LCP1: variants seen among roughly 807,000 people sequenced by gnomAD.
LCP1 encodes plastin-2.
A neutral mutation model predicts 72.0 loss-of-function variants in LCP1; 23 were observed. That is an observed-to-expected ratio of 0.32 (90% confidence interval 0.23 to 0.45). The LOEUF (loss-of-function observed/expected upper bound fraction) is 0.45, where lower values mean the gene tolerates loss of function less well. Ranked by LOEUF, LCP1 falls within the 20% of genes least tolerant of loss-of-function variation. The pLI, the probability that LCP1 is intolerant of heterozygous loss-of-function variation, is 1.00. For synonymous variants in LCP1, 245 were observed against 275.4 expected (o/e 0.89, Z 1.09); for missense variants, 571 against 748.3 (o/e 0.76, Z 2.76).
intron 1 of LCP1, among the ~76,000 whole-genome samples, chr13:46,164,451 A>G (rs961039262): frequency 1.3e-5 from 2 of 152,208 alleles, no homozygotes; most frequent in African/African-American, 4.8e-5. Flanking sequence ...CAAGATGAAA[A>G]GCCTTGAGCA....
intron 1 of LCP1, among the ~76,000 whole-genome samples, chr13:46,180,015 C>G (rs1167102591): frequency 6.6e-6 from 1 of 151,886 alleles, no homozygotes; most frequent in Non-Finnish European, 1.5e-5. Context: ...CTCTTTTATT[C>G]TCTCTTAAAA....
chr13:46,181,912 C>T (rs536260161), intron 1 of LCP1, among the ~76,000 whole-genome samples, 199 bp downstream of exon 1: 93 of 152,248 alleles, frequency 6.1e-4, no homozygotes, highest in South Asian at 2.3e-3. Flanking sequence ...CCCAGAGAGC[C>T]GAGGTGCTCC....
intron 13 of LCP1, among the ~76,000 whole-genome samples, chr13:46,138,144 T>C (rs939916547): frequency 3.3e-5 from 5 of 152,214 alleles, no homozygotes; most frequent in African/African-American, 9.7e-5. Context: ...GTTTGCCAAC[T>C]GTCCACCCTG....
chr13:46,146,150 A>G (rs1301570549), intron 10 of LCP1, among the ~76,000 whole-genome samples: 2 of 152,210 alleles, frequency 1.3e-5, no homozygotes, highest in African/African-American at 4.8e-5. Flanking sequence ...CCCCCTGACC[A>G]TAATTCAGCA....
intron 5 of LCP1, 27 bp from the exon 6 acceptor site, chr13:46,154,913 A>C: frequency 6.3e-7 from 1 of 1,576,890 alleles, no homozygotes; most frequent in Non-Finnish European, 8.7e-7. Flanking sequence ...TAAATTAAAG[A>C]AAGCAGTCTT....
chr13:46,136,074 T>TACACACAC lies in LCP1; in HGVS notation c.1503-1832_1503-1825dup, dbSNP rs58984200. Among the ~76,000 whole-genome samples the TACACACAC allele has an allele frequency of 5.0e-3, 720 of 144,018 alleles. 11 individuals carry two copies. The highest frequency in any genetic ancestry group is 0.014 in the African/African-American group (557 of 38,880). 94.5% of individuals were successfully genotyped at this position (144,018 alleles called of 152,430 possible). On this transcript the variant is annotated intron_variant, in intron 13 of 15. Transcript: ENST00000323076. ...CTCTGCTTCCTTGCCCATCGTGTGC[T>TACACACAC]ACACACACACACACACACACACACA...
At chr13:46,150,797 G>A in intron 8 of LCP1, 139 bp downstream of exon 8, 1 of 910,646 alleles carries the variant, frequency 1.1e-6, no homozygotes, top group Non-Finnish European at 1.7e-6. Flanking sequence ...CTCAAGGACA[G>A]TGAGCACCTC....
chr13:46,177,500 C>T (rs1246510877), intron 1 of LCP1, among the ~76,000 whole-genome samples: 5 of 151,926 alleles, frequency 3.3e-5, no homozygotes, highest in Admixed American at 6.6e-5. Context: ...ATTAGCCGGG[C>T]GTGGTGGTGG....
chr13:46,175,601 A>G (rs894474874), intron 1 of LCP1, among the ~76,000 whole-genome samples: 2 of 152,232 alleles, frequency 1.3e-5, no homozygotes, highest in African/African-American at 4.8e-5. Flanking sequence ...AAACTGTGTG[A>G]ACATCACCAG....
At chr13:46,148,514 AT>A in intron 8 of LCP1, 67 bp from the exon 9 acceptor site, 1 of 982,930 alleles carries the variant, frequency 1.0e-6, no homozygotes, top group Non-Finnish European at 1.6e-6. Flanking sequence ...CATAACAATG[AT>A]TTCCCAAAAG....
chr13:46,144,618 T>G (rs922790584), intron 10 of LCP1, 98 bp from the exon 11 acceptor site: 33 of 793,272 alleles, frequency 4.2e-5, no homozygotes, highest in Non-Finnish European at 7.0e-5. Context: ...AAACTGAAAG[T>G]AGAATGAAAG....
intron 13 of LCP1, among the ~76,000 whole-genome samples, chr13:46,137,190 C>T (rs2045669720): frequency 6.7e-6 from 1 of 148,368 alleles, no homozygotes; most frequent in African/African-American, 2.5e-5. Flanking sequence ...AATCAGACAC[C>T]CACTTGTAAG....
At position 46,148,445 on chromosome 13, in the gene LCP1, G is replaced by A. The variant is rs1160479418; in HGVS notation, c.885C>T (p.Asp295=). The A allele has an allele frequency of 5.0e-6, 8 of 1,598,898 alleles. No individual in the cohort carries two copies. The South Asian group carries it at 8.8e-5, about 18-fold the overall frequency. Residue 295 remains aspartate (D), a splice_region_variant and synonymous_variant, in exon 9 of 16, where the codon GAC becomes GAT. Transcript: ENST00000323076. ...CAAGCAGGTGGTAATAAGCTTTTGA[G>A]TCCTGTGAGAAATTAAGAAATTCCA... ...KIGNFSTDIK[D]SKAYYHLLEQ...
intron 1 of LCP1, among the ~76,000 whole-genome samples, chr13:46,177,554 C>T (rs550237581): frequency 2.6e-5 from 4 of 152,022 alleles, no homozygotes; most frequent in South Asian, 2.1e-4. Context: ...GCAGGAGAAT[C>T]GCTTGAACCC....
At chr13:46,166,654 G>T (rs1253731143) in intron 1 of LCP1, among the ~76,000 whole-genome samples, 1 of 152,064 alleles carries the variant, frequency 6.6e-6, no homozygotes. Context: ...GTAAGCTTTA[G>T]CATTAGACTA....
intron 13 of LCP1, among the ~76,000 whole-genome samples, chr13:46,138,893 C>G (rs532184273): frequency 1.2e-4 from 18 of 152,084 alleles, no homozygotes; most frequent in Non-Finnish European, 2.1e-4. Context: ...GTGATCCACC[C>G]GCCTCGGCCT....
At chr13:46,159,274 G>C (rs2045823179) in intron 2 of LCP1, 1 of 519,046 alleles carries the variant, frequency 1.9e-6, no homozygotes, top group Non-Finnish European at 3.4e-6. Flanking sequence ...CACAGGTTTA[G>C]TGATAAAGAG....
chr13:46,154,745 G>T (rs752371712), intron 6 of LCP1, 60 bp downstream of exon 6: 1 of 1,414,070 alleles, frequency 7.1e-7, no homozygotes, highest in Non-Finnish European at 1.0e-6. Flanking sequence ...GGACTCAGCA[G>T]TTATGATGCT....
chr13:46,174,847 A>AAAG (rs1555316988), intron 1 of LCP1, among the ~76,000 whole-genome samples: 1 of 151,890 alleles, frequency 6.6e-6, no homozygotes, highest in African/African-American at 2.4e-5. Flanking sequence ...AAAAAAAAAA[A>AAAG]AAAAGAAAAA....
Sources: gnomAD v4.1 joint callset for allele counts (sites outside exome capture counted in the v4.1 genomes callset) on GRCh38, gnomAD v4.1.1 for gene constraint, MANE v1.5 for transcripts, NCBI Gene and HGNC (gene_info 2026-07-23, HGNC 2026-07-21) for gene names.